The following LAMA2 variants were observed in gnomAD, a reference collection of about 807,000 sequenced individuals.
The protein encoded by LAMA2 is laminin subunit alpha-2.
In LAMA2, 269 loss-of-function variants were observed where a neutral mutation model predicts 364.8. That is an observed-to-expected ratio of 0.74 (90% CI 0.67 to 0.82). LAMA2 has a LOEUF of 0.82. LAMA2 is among the 40% of genes least tolerant of loss of function. LAMA2 has a pLI of 0.00. For synonymous variants in LAMA2, 1,379 were observed against 1,370.6 expected, an observed-to-expected ratio of 1.01 and a Z score of -0.14; for missense variants, 3,807 against 3,873.2, an observed-to-expected ratio of 0.98 and a Z score of 0.45.
intron 29 of LAMA2, among the ~76,000 whole-genome samples, chr6:129,338,067 A>G (rs1284825008): frequency 6.6e-6 from 1 of 152,210 alleles, no homozygotes; most frequent in East Asian, 1.9e-4. Flanking sequence ...GACTGTCCAG[A>G]GAATATTACA....
rs1010654846 is a variant in LAMA2, at chr6:129,314,070, G to A, written c.3412-585G>A. 1.8e-4 allele frequency among the ~76,000 whole-genome samples: 28 copies of A among 152,204 alleles called. 1 individual carries two copies. The highest frequency in any genetic ancestry group is 6.3e-4 in the African/African-American group (26 of 41,530). Reference sequence around the variant, plus strand: ...TTTCATGAGTCTTTCATATTGCTCAGAGCAGAACTGTAGAAAATGTACCAC... The same window carrying A: ...TTTCATGAGTCTTTCATATTGCTCAAAGCAGAACTGTAGAAAATGTACCAC... On this transcript the variant is annotated intron_variant, in intron 23 of 64. Transcript: ENST00000421865.
At chr6:128,892,655 T>G (rs959957238) in intron 1 of LAMA2, among the ~76,000 whole-genome samples, 11 of 151,958 alleles carry the variant, frequency 7.2e-5, no homozygotes, top group Admixed American at 2.0e-4. Context: ...TGGCCTTCAG[T>G]GGAAAGTCTA....
chr6:129,010,618 G>A (rs1161571919), intron 1 of LAMA2, among the ~76,000 whole-genome samples: 4 of 152,216 alleles, frequency 2.6e-5, no homozygotes, highest in Admixed American at 6.5e-5. Flanking sequence ...GTATAGAATG[G>A]CATTTCACAT....
chr6:129,143,963 A>G lies in LAMA2; in HGVS notation c.702A>G (p.Glu234=), dbSNP rs1486563428. 1 of 1,612,312 alleles carries G rather than the reference A, an allele frequency of 6.2e-7. No homozygotes were observed. The highest frequency in any genetic ancestry group is 2.2e-5 in the East Asian group (1 of 44,844). The change falls in exon 5 of 65, where the codon GAA becomes GAG. Residue 234 remains glutamate, a synonymous_variant. Transcript: ENST00000421865. ...SADDPSPELL[E]FTSARYIRLR... ...ATGATCCTTCTCCAGAACTGCTAGA[A>G]TTTACCTCCGCTCGCTATATTCGCC...
At chr6:128,919,551 A>G (rs1051148262) in intron 1 of LAMA2, among the ~76,000 whole-genome samples, 1 of 152,144 alleles carries the variant, frequency 6.6e-6, no homozygotes, top group East Asian at 1.9e-4. Context: ...TATTACTTCA[A>G]TTTCCTTACA....
chr6:129,185,387 A>C (rs1781166523), intron 10 of LAMA2, among the ~76,000 whole-genome samples: 1 of 151,906 alleles, frequency 6.6e-6, no homozygotes, highest in Admixed American at 6.6e-5. Flanking sequence ...AACTTAGTAA[A>C]ATTTTTCTAA....
chr6:128,961,318 G>GATAGATATATAT (rs1257743658), intron 1 of LAMA2, among the ~76,000 whole-genome samples: 3 of 57,806 alleles, frequency 5.2e-5, no homozygotes, highest in Non-Finnish European at 1.1e-4. Flanking sequence ...GAACTAATAT[G>GATAGATATATAT]ATATATATAT....
chr6:129,154,488 AT>A lies in LAMA2; in HGVS notation c.1028-12del. 1 of 1,596,778 alleles carries A rather than the reference AT, an allele frequency of 6.3e-7. No individual in the cohort carries two copies. Among genetic ancestry groups the A allele is most frequent in the Non-Finnish European group, 8.6e-7 (1 of 1,164,572 alleles). ...AAATCAAATTGATGTTTATTAATTT[AT>A]TTTTCCTTAATGCAGCATGCAATTG... On this transcript the variant is annotated splice_polypyrimidine_tract_variant and intron_variant, in intron 7 of 64. Transcript: ENST00000421865.
chr6:129,068,196 G>C (rs1773065503), intron 3 of LAMA2, among the ~76,000 whole-genome samples: 1 of 152,178 alleles, frequency 6.6e-6, no homozygotes, highest in Non-Finnish European at 1.5e-5. Context: ...GAATCTTATT[G>C]AATCTGAGAA....
At chr6:129,507,467 T>G in intron 61 of LAMA2, 22 bp from the exon 62 acceptor site, 3 of 1,613,848 alleles carry the variant, frequency 1.9e-6, no homozygotes, top group Non-Finnish European at 2.5e-6. Context: ...TGACATTTGT[T>G]TCTTCTGATC....
intron 4 of LAMA2, among the ~76,000 whole-genome samples, chr6:129,123,024 G>A (rs1174990647): frequency 2.6e-5 from 4 of 152,152 alleles, no homozygotes; most frequent in East Asian, 1.9e-4. Context: ...CTGCGAGGCC[G>A]GGTGTGGTGG....
At chr6:129,143,777 A>G in intron 4 of LAMA2, 124 bp from the exon 5 acceptor site, 1 of 700,930 alleles carries the variant, frequency 1.4e-6, no homozygotes, top group Non-Finnish European at 2.5e-6. Context: ...ATAGGCATGT[A>G]CCTGAATCTG....
At chr6:129,474,220 C>A (rs1783957216) in intron 52 of LAMA2, among the ~76,000 whole-genome samples, 2 of 152,162 alleles carry the variant, frequency 1.3e-5, no homozygotes, top group South Asian at 4.1e-4. Context: ...GGAAAAATCC[C>A]AGAATAGCTG....
intron 7 of LAMA2, among the ~76,000 whole-genome samples, chr6:129,151,518 T>C (rs891431935): frequency 7.2e-5 from 11 of 152,124 alleles, no homozygotes; most frequent in African/African-American, 2.4e-4. Flanking sequence ...TGAGACCCTG[T>C]CTGTATCACT....
At chr6:129,173,072 T>C (rs1239135477) in intron 9 of LAMA2, among the ~76,000 whole-genome samples, 1 of 152,196 alleles carries the variant, frequency 6.6e-6, no homozygotes, top group Non-Finnish European at 1.5e-5. Flanking sequence ...GCCCACTGTC[T>C]GGCATTCCCT....
At chr6:129,255,405 C>CAAAAAA (rs5879934) in intron 14 of LAMA2, among the ~76,000 whole-genome samples, 2 of 33,828 alleles carry the variant, frequency 5.9e-5, no homozygotes, top group Non-Finnish European at 1.1e-4. Flanking sequence ...GACTCTGTCT[C>CAAAAAA]AAAAAAAAAA....
In LAMA2 at chr6:129,392,968, A is replaced by G. The variant is rs966346235; in HGVS notation, c.5235-77A>G. On this transcript the variant is annotated intron_variant, in intron 36 of 64. Transcript: ENST00000421865. ...TCTTTTCATGTTAGCATCTCTTTGT[A>G]ACATGGTTTAATACCAATAAACCCT... 6 of 1,102,964 alleles carry G rather than the reference A, an allele frequency of 5.4e-6. No homozygotes were observed. The African/African-American group carries it at 7.9e-5, about 14-fold the overall frequency. 68.3% of individuals were successfully genotyped at this position (1,102,964 alleles called of 1,614,324 possible).
intron 17 of LAMA2, 21 bp downstream of exon 17, chr6:129,270,772 A>T: frequency 6.2e-7 from 1 of 1,611,256 alleles, no homozygotes; most frequent in African/African-American, 1.3e-5. Context: ...AACTTACCCC[A>T]TGAATAAGCT....
chr6:129,028,122 A>G lies in LAMA2; in HGVS notation c.113-21796A>G, dbSNP rs115099443. ...GAATTTAAAACATATTTTGAAAAAC[A>G]AGGATAAGAATTAGTGTTTAAAAGC... On this transcript the variant is annotated intron_variant, in intron 1 of 64. Transcript: ENST00000421865. Among the ~76,000 whole-genome samples the G allele has an allele frequency of 3.7e-3, 556 of 152,026 alleles. 3 individuals carry two copies. The highest frequency in any genetic ancestry group is 0.013 in the African/African-American group (520 of 41,552).
Sources: allele counts gnomAD v4.1 joint callset (sites outside exome capture counted in the v4.1 genomes callset), GRCh38; gene constraint gnomAD v4.1.1; transcripts MANE v1.5; gene names NCBI Gene and HGNC (gene_info 2026-07-23, HGNC 2026-07-21).